BMPR1A: variants seen among roughly 807,000 people sequenced by gnomAD.
BMPR1A encodes the protein bone morphogenetic protein receptor type 1A, also known as bone morphogenetic protein receptor type-1A.
BMPR1A carries 7 observed loss-of-function variants against 66.0 expected under a neutral mutation model. The observed-to-expected ratio is 0.11, with a 90% confidence interval of 0.06 to 0.20. BMPR1A has a LOEUF of 0.20. Among genes scored for constraint, BMPR1A ranks in the 10% least tolerant of loss-of-function variants. The pLI is 1.00. For synonymous variants in BMPR1A, 200 were observed against 229.7 expected, an observed-to-expected ratio of 0.87 and a Z score of 1.17; for missense variants, 408 against 669.1, an observed-to-expected ratio of 0.61 and a Z score of 4.31.
chr10:86,815,531 T>C (rs1842025649), intron 1 of BMPR1A, among the ~76,000 whole-genome samples: 1 of 152,148 alleles, frequency 6.6e-6, no homozygotes. Context: ...GAAGACTTGT[T>C]TGTTATTTGG....
chr10:86,831,835 T>C (rs779339240), intron 1 of BMPR1A, among the ~76,000 whole-genome samples: 13 of 152,224 alleles, frequency 8.5e-5, no homozygotes, highest in Admixed American at 2.0e-4. Flanking sequence ...TTTTACCTAC[T>C]TTTGGATTTT....
chr10:86,932,388 TTTTG>T (rs1264983224), downstream of BMPR1A: 2 of 152,214 alleles, frequency 1.3e-5, no homozygotes, highest in East Asian at 3.8e-4. Flanking sequence ...TGGTTGGGTT[TTTTG>T]TTTGTTTGAG....
At chr10:86,883,377 C>T (rs1206521075) in intron 3 of BMPR1A, among the ~76,000 whole-genome samples, 1 of 151,744 alleles carries the variant, frequency 6.6e-6, no homozygotes, top group Non-Finnish European at 1.5e-5. Flanking sequence ...GGTGAAACCC[C>T]GTCTCTACTA....
intron 2 of BMPR1A, among the ~76,000 whole-genome samples, chr10:86,868,785 T>C (rs1288214566): frequency 6.6e-6 from 1 of 151,996 alleles, no homozygotes; most frequent in Non-Finnish European, 1.5e-5. Context: ...TGTGTTTTTT[T>C]TTTTTTAAGT....
At chr10:86,906,401 A>G (rs1245358281) in intron 7 of BMPR1A, among the ~76,000 whole-genome samples, 1 of 151,960 alleles carries the variant, frequency 6.6e-6, no homozygotes. Context: ...TTATTGCAAA[A>G]TTATCTACTA....
At chr10:86,794,875 G>T (rs1245136679) in intron 1 of BMPR1A, among the ~76,000 whole-genome samples, 3 of 150,140 alleles carry the variant, frequency 2.0e-5, no homozygotes, top group Non-Finnish European at 4.4e-5. Flanking sequence ...TTTAGATAGA[G>T]AGTTTCGCTC....
At chr10:86,845,749 G>A (rs1005329376) in intron 2 of BMPR1A, among the ~76,000 whole-genome samples, 5 of 152,146 alleles carry the variant, frequency 3.3e-5, no homozygotes, top group African/African-American at 1.2e-4. Flanking sequence ...TGTAATCCCA[G>A]CACTTTGGGA....
At chr10:86,789,205 A>G (rs1180183066) in intron 1 of BMPR1A, among the ~76,000 whole-genome samples, 2 of 152,228 alleles carry the variant, frequency 1.3e-5, no homozygotes, top group Non-Finnish European at 2.9e-5. Context: ...AAGAAAACAT[A>G]GGTATAAATC....
rs564532488 is a variant in BMPR1A at position 86,923,836 on chromosome 10, C to T, written c.*117C>T. ...TGGTTCTCAGACTCTTTCTTCACTA[C>T]GTGTTCACAGGCTGCTAATATTAAA... On this transcript the variant is annotated 3_prime_UTR_variant, in exon 13 of 13. Transcript: ENST00000372037. The T allele has an allele frequency of 5.5e-5, 75 of 1,367,406 alleles. No individual in the cohort carries two copies. Among genetic ancestry groups the T allele is most frequent in the Non-Finnish European group, 7.4e-5 (71 of 963,696 alleles). 84.7% of individuals were successfully genotyped at this position (1,367,406 alleles called of 1,614,324 possible).
chr10:86,870,249 G>A lies in BMPR1A; in HGVS notation c.-152-5618G>A, dbSNP rs535062245. Among the ~76,000 whole-genome samples, 13 of 152,282 alleles carry A rather than the reference G, an allele frequency of 8.5e-5. 1 individual carries two copies. In the South Asian group the frequency reaches 2.5e-3, roughly 29 times the overall value. On this transcript the variant is annotated intron_variant, in intron 2 of 12. Coordinates refer to ENST00000372037, the MANE Select transcript of BMPR1A (RefSeq NM_004329.3). ...AAGTTTCAGAACCAAATGCCCGTTA[G>A]ACATTCCCTTTGGGTAATCTCAGAT...
At chr10:86,877,304 T>C (rs1275188752) in intron 3 of BMPR1A, among the ~76,000 whole-genome samples, 2 of 151,382 alleles carry the variant, frequency 1.3e-5, no homozygotes, top group African/African-American at 4.9e-5. Flanking sequence ...GCCTCCCGGG[T>C]TCACGCCATT....
intron 1 of BMPR1A, among the ~76,000 whole-genome samples, chr10:86,789,286 ATAAAT>A (rs1389059655): frequency 2.0e-5 from 3 of 152,208 alleles, no homozygotes; most frequent in Non-Finnish European, 2.9e-5. Context: ...AAAAAAGTAG[ATAAAT>A]TAAACTTTAT....
chr10:86,829,727 A>G (rs1453216995), intron 1 of BMPR1A, among the ~76,000 whole-genome samples: 4 of 152,202 alleles, frequency 2.6e-5, no homozygotes, highest in East Asian at 1.9e-4. Flanking sequence ...CTTGAGATCT[A>G]TCCAAGTTGT....
At chr10:86,909,843 AAC>A (rs1315453683) in intron 7 of BMPR1A, among the ~76,000 whole-genome samples, 2 of 152,222 alleles carry the variant, frequency 1.3e-5, no homozygotes, top group African/African-American at 4.8e-5. Context: ...AAAAGTTTAT[AAC>A]ACAAGGGTAG....
chr10:86,768,559 C>G (rs895814148), intron 1 of BMPR1A, among the ~76,000 whole-genome samples: 9 of 152,124 alleles, frequency 5.9e-5, no homozygotes, highest in Non-Finnish European at 8.8e-5. Flanking sequence ...GGTCACATCA[C>G]TGAGGAGAGT....
chr10:86,924,029 G>A lies in BMPR1A; in HGVS notation c.*310G>A. On this transcript the variant is annotated 3_prime_UTR_variant, in exon 13 of 13. Transcript: ENST00000372037. ...ATTAGTGTCTCCAGTCAAGCTCTGG[G>A]TACTGAATTGCCTGTTCATAAAACG... The A allele has an allele frequency of 4.6e-6, 2 of 437,782 alleles. No homozygotes were observed. Among genetic ancestry groups the A allele is most frequent in the Non-Finnish European group, 8.5e-6 (2 of 236,202 alleles). The allele number at this position is 437,782 out of a possible 1,614,324, so 27.1% of individuals were successfully genotyped here. A position where few individuals can be genotyped will look rare whatever the true frequency, so the allele number is the denominator to read the frequency against.
chr10:86,783,479 A>G (rs1841467814), intron 1 of BMPR1A, among the ~76,000 whole-genome samples: 2 of 152,246 alleles, frequency 1.3e-5, no homozygotes, highest in South Asian at 4.1e-4. Flanking sequence ...GTCCTTGAAC[A>G]TGAGATGTCT....
intron 1 of BMPR1A, among the ~76,000 whole-genome samples, chr10:86,790,033 G>A (rs573418211): frequency 6.7e-6 from 1 of 149,386 alleles, no homozygotes; most frequent in African/African-American, 2.5e-5. Context: ...GCAGGTTCCT[G>A]TAGTCCCAGC....
At chr10:86,911,591 C>CA (rs1282065007) in intron 7 of BMPR1A, among the ~76,000 whole-genome samples, 1 of 151,612 alleles carries the variant, frequency 6.6e-6, no homozygotes, top group South Asian at 2.1e-4. Context: ...ACTAAAAATA[C>CA]AAAAAAAGAT....
Sources: allele counts gnomAD v4.1 joint callset (sites outside exome capture counted in the v4.1 genomes callset), GRCh38; gene constraint gnomAD v4.1.1; transcripts MANE v1.5; gene names NCBI Gene and HGNC (gene_info 2026-07-23, HGNC 2026-07-21).